Variants in GSK3B observed in about 807,000 individuals in gnomAD.
GSK3B encodes glycogen synthase kinase-3 beta.
GSK3B carries 15 observed loss-of-function variants against 56.4 expected under a neutral mutation model. The ratio of observed to expected loss-of-function variants is 0.27; its 90% confidence interval spans 0.18 to 0.41. The LOEUF (loss-of-function observed/expected upper bound fraction) is 0.41. Among genes scored for constraint, GSK3B ranks in the 10% least tolerant of loss-of-function variants. The pLI is 1.00. For missense variants in GSK3B, 300 were observed against 513.4 expected, an observed-to-expected ratio of 0.58 and a Z score of 4.02; for synonymous variants, 181 against 188.9, an observed-to-expected ratio of 0.96 and a Z score of 0.34.
intron 2 of GSK3B, among the ~76,000 whole-genome samples, chr3:119,948,505 G>A (rs1358149108): frequency 6.6e-6 from 1 of 152,088 alleles, no homozygotes; most frequent in Admixed American, 6.5e-5. Context: ...TAAAAGTAAC[G>A]GAAACAGAAA....
chr3:119,858,726 C>T (rs2056057261), intron 9 of GSK3B, among the ~76,000 whole-genome samples: 1 of 152,322 alleles, frequency 6.6e-6, no homozygotes, highest in East Asian at 1.9e-4. Context: ...TGTTGACACA[C>T]TTTCCTCACT....
chr3:120,062,244 G>A (rs2058243691), intron 1 of GSK3B, among the ~76,000 whole-genome samples: 1 of 152,028 alleles, frequency 6.6e-6, no homozygotes, highest in Non-Finnish European at 1.5e-5. Flanking sequence ...ATTTTAAAGT[G>A]AACTACTCCA....
chr3:119,849,353 G>A lies in GSK3B; in HGVS notation c.1097-6000C>T, dbSNP rs188280573. 2.4e-3 allele frequency among the ~76,000 whole-genome samples: 365 copies of A among 152,282 alleles called. 3 individuals are homozygous for A. The highest frequency in any genetic ancestry group is 8.4e-3 in the African/African-American group (349 of 41,556). On this transcript the variant is annotated intron_variant, in intron 9 of 10. Transcript: ENST00000264235. ...AACAACTGAAAAAACAATCTGGCAA[G>A]AAAGGCAACCACTTAGGACAGGGGC...
At chr3:119,994,176 T>C (rs1002991820) in intron 2 of GSK3B, among the ~76,000 whole-genome samples, 1 of 152,038 alleles carries the variant, frequency 6.6e-6, no homozygotes, top group Non-Finnish European at 1.5e-5. Flanking sequence ...GCAATCTGAG[T>C]ATCAAAATAA....
intron 7 of GSK3B, among the ~76,000 whole-genome samples, chr3:119,880,274 A>G (rs2056365714): frequency 6.6e-6 from 1 of 152,198 alleles, no homozygotes; most frequent in Non-Finnish European, 1.5e-5. Context: ...ATCCTTTTGA[A>G]TAATGTCTAT....
intron 7 of GSK3B, among the ~76,000 whole-genome samples, chr3:119,880,091 TA>T (rs113648930): frequency 0.027 from 4,169 of 152,250 alleles, 183 homozygotes; most frequent in African/African-American, 0.092. Flanking sequence ...ACCAGCAACA[TA>T]ACAAGGATTC....
chr3:120,081,255 GA>G (rs764944320), intron 1 of GSK3B, among the ~76,000 whole-genome samples: 402 of 127,620 alleles, frequency 3.1e-3, no homozygotes, highest in African/African-American at 6.7e-3. Flanking sequence ...TCACATTTAA[GA>G]AAAAAAAAAA....
chr3:119,918,801 G>A (rs2056807459), intron 4 of GSK3B, among the ~76,000 whole-genome samples: 1 of 152,118 alleles, frequency 6.6e-6, no homozygotes, highest in African/African-American at 2.4e-5. Context: ...CTATGCTTCA[G>A]TTACAGGACA....
chr3:119,878,816 G>C (rs1434460043), intron 7 of GSK3B, among the ~76,000 whole-genome samples: 1 of 152,152 alleles, frequency 6.6e-6, no homozygotes, highest in Non-Finnish European at 1.5e-5. Context: ...AGCTGAGTGA[G>C]AGAAGCCAGA....
intron 2 of GSK3B, among the ~76,000 whole-genome samples, chr3:119,999,030 T>C (rs186456094): frequency 2.4e-4 from 37 of 152,294 alleles, no homozygotes; most frequent in African/African-American, 7.5e-4. Flanking sequence ...TTTTATAAAC[T>C]GTATTCTGAT....
intron 9 of GSK3B, among the ~76,000 whole-genome samples, chr3:119,862,552 T>A (rs2056120812): frequency 1.4e-5 from 2 of 144,794 alleles, no homozygotes; most frequent in South Asian, 4.3e-4. Flanking sequence ...AAGAAAGATA[T>A]GATACATATG....
At chr3:119,986,166 C>T (rs1388432182) in intron 2 of GSK3B, among the ~76,000 whole-genome samples, 1 of 152,120 alleles carries the variant, frequency 6.6e-6, no homozygotes, top group Non-Finnish European at 1.5e-5. Context: ...CTTCCTTACA[C>T]CTTATAGAAA....
chr3:119,880,971 T>A (rs2056372764), intron 7 of GSK3B, among the ~76,000 whole-genome samples: 1 of 152,202 alleles, frequency 6.6e-6, no homozygotes, highest in Admixed American at 6.5e-5. Context: ...TACAACTTAC[T>A]GATTTCTATT....
At chr3:119,875,029 G>C (rs1040158747) in intron 8 of GSK3B, among the ~76,000 whole-genome samples, 8 of 151,978 alleles carry the variant, frequency 5.3e-5, no homozygotes, top group Non-Finnish European at 7.4e-5. Flanking sequence ...AATAAGCCTT[G>C]AATACAAAGA....
chr3:119,990,851 C>T (rs2057557983), intron 2 of GSK3B, among the ~76,000 whole-genome samples: 1 of 152,100 alleles, frequency 6.6e-6, no homozygotes, highest in African/African-American at 2.4e-5. Flanking sequence ...TTGCTTGAAC[C>T]CAGGAGGCGG....
At chr3:120,031,968 C>G (rs563032607) in intron 1 of GSK3B, among the ~76,000 whole-genome samples, 1 of 152,196 alleles carries the variant, frequency 6.6e-6, no homozygotes, top group Non-Finnish European at 1.5e-5. Flanking sequence ...TGGATTAACA[C>G]TTAATGTCTC....
chr3:119,934,930 T>C (rs563179729), intron 3 of GSK3B, among the ~76,000 whole-genome samples: 9 of 152,292 alleles, frequency 5.9e-5, no homozygotes, highest in South Asian at 4.1e-4. Flanking sequence ...CAATTTTTTA[T>C]ATAGTATGCA....
chr3:120,055,249 G>A (rs1344804912), intron 1 of GSK3B, among the ~76,000 whole-genome samples: 1 of 152,134 alleles, frequency 6.6e-6, no homozygotes. Context: ...AAAGTCTAGT[G>A]AGTAAAGGGT....
At chr3:120,059,621 A>G (rs758482790) in intron 1 of GSK3B, among the ~76,000 whole-genome samples, 1 of 152,238 alleles carries the variant, frequency 6.6e-6, no homozygotes, top group Non-Finnish European at 1.5e-5. Context: ...TGAGAAAGCA[A>G]GAGAGCTCTG....
Sources: allele counts gnomAD v4.1 joint callset (sites outside exome capture counted in the v4.1 genomes callset), GRCh38; gene constraint gnomAD v4.1.1; transcripts MANE v1.5; gene names NCBI Gene and HGNC (gene_info 2026-07-23, HGNC 2026-07-21).